The following SGCD variants were observed in gnomAD, a reference collection of about 807,000 sequenced individuals.
The protein encoded by SGCD is sarcoglycan delta, also known as delta-sarcoglycan.
In SGCD, 18 loss-of-function variants were observed where a neutral mutation model predicts 36.6. The observed-to-expected ratio is 0.49, with a 90% CI of 0.34 to 0.73. SGCD has a LOEUF of 0.73. Ranked by LOEUF, SGCD falls within the 30% of genes least tolerant of loss-of-function variation. The probability of loss-of-function intolerance (pLI) is 0.01; values close to 1 mark genes in which losing one functional copy is unlikely to be tolerated. For missense variants in SGCD, 387 were observed against 346.7 expected, an observed-to-expected ratio of 1.12 and a Z score of -0.92; for synonymous variants, 133 against 130.6, an observed-to-expected ratio of 1.02 and a Z score of -0.12.
At chr5:156,092,486 A>C (rs1424982884) in intron 1 of SGCD, among the ~76,000 whole-genome samples, 1 of 152,206 alleles carries the variant, frequency 6.6e-6, no homozygotes, top group Non-Finnish European at 1.5e-5. Flanking sequence ...AAGCTTCTCA[A>C]GTTCTTTGCC....
intron 1 of SGCD, among the ~76,000 whole-genome samples, chr5:156,075,586 A>C (rs1009987875): frequency 7.2e-5 from 11 of 152,178 alleles, no homozygotes; most frequent in African/African-American, 2.7e-4. Context: ...AGGTGAACAA[A>C]TTCTATTGAT....
At chr5:156,214,013 T>C (rs532203018) in intron 3 of SGCD, among the ~76,000 whole-genome samples, 2 of 152,062 alleles carry the variant, frequency 1.3e-5, no homozygotes, top group South Asian at 2.1e-4. Context: ...CAGTAATAAA[T>C]AGTTGAAAGC....
chr5:155,895,186 GAAC>G (rs1317315736), intron 1 of SGCD, among the ~76,000 whole-genome samples: 1 of 152,188 alleles, frequency 6.6e-6, no homozygotes, highest in East Asian at 1.9e-4. Context: ...CAAGGTGCAA[GAAC>G]AACATGTCCA....
chr5:156,444,064 T>TTCTCTCTCTCTCTCTCTCTCTC (rs535098783), intron 3 of SGCD, among the ~76,000 whole-genome samples: 3 of 34,498 alleles, frequency 8.7e-5, no homozygotes, highest in African/African-American at 2.0e-4. Context: ...CTTTCTCTCC[T>TTCTCTCTCTCTCTCTCTCTCTC]TCTCTCTCTC....
the SGCD span, among the ~76,000 whole-genome samples, chr5:155,729,160 A>G: frequency 6.6e-6 from 1 of 152,212 alleles, no homozygotes; most frequent in Non-Finnish European, 1.5e-5. Flanking sequence ...AGTTCCCTCC[A>G]TCTCTAAGCC....
intron 1 of SGCD, among the ~76,000 whole-genome samples, chr5:156,041,273 C>T (rs979074061): frequency 1.3e-5 from 2 of 152,216 alleles, no homozygotes; most frequent in Admixed American, 6.5e-5. Flanking sequence ...CACAGTCTAG[C>T]GTGCTGAGCC....
chr5:156,281,179 G>T (rs1355670162), intron 3 of SGCD, among the ~76,000 whole-genome samples: 1 of 152,022 alleles, frequency 6.6e-6, no homozygotes, highest in Non-Finnish European at 1.5e-5. Context: ...ATAAGTGCTG[G>T]GTTCCAATAC....
At chr5:156,394,350 A>G (rs1771743622) in intron 3 of SGCD, among the ~76,000 whole-genome samples, 1 of 152,272 alleles carries the variant, frequency 6.6e-6, no homozygotes, top group Non-Finnish European at 1.5e-5. Flanking sequence ...TAGCTCCAAT[A>G]ACTGAAGAAG....
intron 1 of SGCD, among the ~76,000 whole-genome samples, chr5:155,994,964 G>T (rs535633609): frequency 2.8e-4 from 43 of 152,316 alleles, no homozygotes; most frequent in Admixed American, 4.6e-4. Flanking sequence ...ACCATTCAGG[G>T]ATAGAACGTG....
intron 3 of SGCD, among the ~76,000 whole-genome samples, chr5:156,400,682 T>C (rs1283164315): frequency 6.6e-6 from 1 of 152,238 alleles, no homozygotes; most frequent in African/African-American, 2.4e-5. Flanking sequence ...TCTTATGCTT[T>C]GTATCTGCAG....
intron 3 of SGCD, among the ~76,000 whole-genome samples, chr5:156,483,687 C>T (rs1458981699): frequency 3.3e-5 from 5 of 152,244 alleles, no homozygotes; most frequent in Admixed American, 2.6e-4. Flanking sequence ...GTGCCTTGCA[C>T]ATGGACTATG....
chr5:156,394,283 G>GTTTATAAAC (rs1472682365), intron 3 of SGCD, among the ~76,000 whole-genome samples: 2 of 152,174 alleles, frequency 1.3e-5, no homozygotes, highest in Non-Finnish European at 2.9e-5. Flanking sequence ...TACCAATGGA[G>GTTTATAAAC]TTTATAAACT....
intron 1 of SGCD, among the ~76,000 whole-genome samples, chr5:156,024,981 T>C (rs532388354): frequency 5.6e-4 from 85 of 151,308 alleles, no homozygotes; most frequent in African/African-American, 1.8e-3. Flanking sequence ...AAGAAATGGC[T>C]AAAGAAAGCT....
intron 1 of SGCD, among the ~76,000 whole-genome samples, chr5:155,932,373 G>A (rs1757115405): frequency 6.6e-6 from 1 of 152,080 alleles, no homozygotes; most frequent in Non-Finnish European, 1.5e-5. Flanking sequence ...CTTGACTCTG[G>A]ACATTATCTG....
At chr5:155,798,622 A>G in the SGCD span, among the ~76,000 whole-genome samples, 1 of 152,284 alleles carries the variant, frequency 6.6e-6, no homozygotes, top group African/African-American at 2.4e-5. Flanking sequence ...TTTCTCTTCT[A>G]ATGTTACATC....
chr5:156,260,951 T>C (rs1056358038), intron 3 of SGCD, among the ~76,000 whole-genome samples: 1 of 152,146 alleles, frequency 6.6e-6, no homozygotes. Context: ...ATTGTATTAA[T>C]GTGATGTATT....
intron 1 of SGCD, among the ~76,000 whole-genome samples, chr5:156,081,075 T>C (rs529897082): frequency 7.8e-4 from 119 of 152,306 alleles, no homozygotes; most frequent in Non-Finnish European, 7.2e-4. Flanking sequence ...GGAGGCATTG[T>C]GCCAGGCATC....
At chr5:155,966,970 T>C (rs1757914618) in intron 1 of SGCD, among the ~76,000 whole-genome samples, 1 of 149,816 alleles carries the variant, frequency 6.7e-6, no homozygotes, top group African/African-American at 2.5e-5. Flanking sequence ...TGTGTGTGTA[T>C]GTGTATGTGT....
intron 1 of SGCD, among the ~76,000 whole-genome samples, chr5:155,988,181 G>A (rs933095174): frequency 6.6e-6 from 1 of 152,108 alleles, no homozygotes; most frequent in South Asian, 2.1e-4. Context: ...CATCTCTGCA[G>A]TTCCTTTTTT....
Sources: gnomAD v4.1 joint callset for allele counts (sites outside exome capture counted in the v4.1 genomes callset) on GRCh38, gnomAD v4.1.1 for gene constraint, MANE v1.5 for transcripts, NCBI Gene and HGNC (gene_info 2026-07-23, HGNC 2026-07-21) for gene names.